DMD: variants seen among roughly 807,000 people sequenced by gnomAD.
The protein encoded by DMD is dystrophin.
Under a neutral mutation model 330.1 loss-of-function variants are expected in DMD, and 63 were observed. The observed-to-expected ratio is 0.19, with a 90% CI of 0.16 to 0.24. The LOEUF is 0.24. Among genes scored for constraint, DMD ranks in the 10% least tolerant of loss-of-function variants. DMD has a pLI of 1.00. For synonymous variants in DMD, 1,223 were observed against 959.8 expected, an observed-to-expected ratio of 1.27 and a Z score of -5.07; for missense variants, 3,344 against 2,684.1, an observed-to-expected ratio of 1.25 and a Z score of -5.43.
intron 2 of DMD, among the ~76,000 whole-genome samples, chrX:33,010,254 A>G (rs12844680): frequency 0.064 from 3,549 of 55,819 alleles, 126 homozygotes; most frequent in East Asian, 0.39. Context: ...GTGTGTATAT[A>G]TGTACAAATA....
At chrX:32,860,312 C>T (rs778693041) in intron 2 of DMD, among the ~76,000 whole-genome samples, 1 of 111,958 alleles carries the variant, frequency 8.9e-6, no homozygotes. Flanking sequence ...GGGATCAATA[C>T]GTTTCAGTAG....
chrX:33,040,840 A>G (rs1174084348), intron 1 of DMD, among the ~76,000 whole-genome samples: 3 of 112,510 alleles, frequency 2.7e-5, no homozygotes, highest in African/African-American at 9.7e-5. Context: ...TACACCCATT[A>G]TCAAGAAGTA....
intron 7 of DMD, among the ~76,000 whole-genome samples, chrX:32,793,951 A>C (rs1187706296): frequency 9.0e-6 from 1 of 111,676 alleles, no homozygotes; most frequent in Non-Finnish European, 1.9e-5. Flanking sequence ...AAAATACAGG[A>C]CAACATCCCT....
At chrX:32,627,824 G>T (rs1250203223) in intron 11 of DMD, among the ~76,000 whole-genome samples, 1 of 111,232 alleles carries the variant, frequency 9.0e-6, no homozygotes, top group African/African-American at 3.3e-5. Flanking sequence ...GAAAATTACA[G>T]TTGTTACTCT....
intron 30 of DMD, among the ~76,000 whole-genome samples, chrX:32,407,915 T>G (rs376501608): frequency 1.1e-4 from 10 of 92,262 alleles, no homozygotes; most frequent in African/African-American, 3.4e-4. Flanking sequence ...TAGGTGGGAA[T>G]TGAACAATGA....
intron 11 of DMD, among the ~76,000 whole-genome samples, chrX:32,616,144 A>C (rs1047655940): frequency 9.0e-6 from 1 of 111,142 alleles, no homozygotes; most frequent in African/African-American, 3.3e-5. Context: ...AGCACATTTT[A>C]TAAAGCATAT....
rs147364913 is a variant in DMD, at chrX:31,678,366, T to C, written c.7872+1009A>G. 4.9e-3 allele frequency among the ~76,000 whole-genome samples: 553 copies of C among 111,988 alleles called. 5 individuals carry two copies. Among genetic ancestry groups the C allele is most frequent in the African/African-American group, 0.017 (517 of 30,859 alleles). On this transcript the variant is annotated intron_variant, in intron 53 of 78. Transcript: ENST00000357033. The stretch of plus-strand genomic sequence containing the variant: ...GCCCAATCTGATCAACCTCCTACCA[T>C]GTTACTTCCCTGCTCAAAATACCCT...
chrX:32,585,358 A>G (rs888473709), intron 13 of DMD, among the ~76,000 whole-genome samples: 2 of 112,207 alleles, frequency 1.8e-5, no homozygotes, highest in African/African-American at 6.5e-5. Context: ...GTATCAATAA[A>G]CTTAAAAATT....
At chrX:33,184,725 T>C (rs1261378242) in intron 1 of DMD, among the ~76,000 whole-genome samples, 103 of 89,044 alleles carry the variant, frequency 1.2e-3, no homozygotes, top group African/African-American at 3.9e-3. Flanking sequence ...TCTTTCTTTT[T>C]TTTTTTTTTT....
chrX:32,967,212 C>G (rs961550102), intron 2 of DMD, among the ~76,000 whole-genome samples: 9 of 111,443 alleles, frequency 8.1e-5, no homozygotes, highest in African/African-American at 9.8e-5. Flanking sequence ...AAATTGGATT[C>G]CCCAAGATCA....
chrX:31,939,211 A>T (rs1279473119), intron 45 of DMD, among the ~76,000 whole-genome samples: 1 of 111,654 alleles, frequency 9.0e-6, no homozygotes, highest in African/African-American at 3.3e-5. Flanking sequence ...TCATTATCAG[A>T]ATCAGAACCC....
chrX:31,311,202 G>C (rs2055491832), intron 62 of DMD, among the ~76,000 whole-genome samples: 1 of 109,784 alleles, frequency 9.1e-6, no homozygotes, highest in Non-Finnish European at 1.9e-5. Flanking sequence ...AGTAAAGCTA[G>C]AACCATAGGC....
chrX:31,599,573 A>G (rs1239756669), intron 55 of DMD, among the ~76,000 whole-genome samples: 1 of 112,510 alleles, frequency 8.9e-6, no homozygotes, highest in African/African-American at 3.2e-5. Flanking sequence ...AATTGTATAT[A>G]GTTTTAATAA....
At chrX:32,326,226 T>C (rs1011720796) in intron 41 of DMD, among the ~76,000 whole-genome samples, 1 of 112,014 alleles carries the variant, frequency 8.9e-6, no homozygotes, top group Non-Finnish European at 1.9e-5. Flanking sequence ...CCCTGCATTC[T>C]ATTCTTCTTT....
intron 1 of DMD, among the ~76,000 whole-genome samples, chrX:33,131,184 G>GGCTGCTGTGGCTGCT (rs1332566542): frequency 9.1e-6 from 1 of 110,153 alleles, no homozygotes; most frequent in African/African-American, 3.3e-5. Context: ...AGTTCCCTGG[G>GGCTGCTGTGGCTGCT]GCTGCTGCGG....
intron 41 of DMD, among the ~76,000 whole-genome samples, chrX:32,316,246 T>C (rs1162149566): frequency 9.0e-6 from 1 of 111,428 alleles, no homozygotes; most frequent in Non-Finnish European, 1.9e-5. Context: ...AAAGGTATAG[T>C]TTATTACTTT....
chrX:32,377,515 G>T (rs1053240102), intron 34 of DMD, among the ~76,000 whole-genome samples: 1 of 111,648 alleles, frequency 9.0e-6, no homozygotes, highest in Non-Finnish European at 1.9e-5. Context: ...AAAATTTTTA[G>T]CTATTGAAGC....
At chrX:33,156,783 A>T (rs1305095754) in intron 1 of DMD, among the ~76,000 whole-genome samples, 1 of 111,993 alleles carries the variant, frequency 8.9e-6, no homozygotes, top group Non-Finnish European at 1.9e-5. Flanking sequence ...CAAATATACA[A>T]TAACAAATCT....
At chrX:31,424,814 G>C (rs1271684871) in intron 60 of DMD, among the ~76,000 whole-genome samples, 1 of 111,887 alleles carries the variant, frequency 8.9e-6, no homozygotes. Context: ...CATCCTCCTT[G>C]AATTCAGGGG....
Sources: allele counts gnomAD v4.1 joint callset (sites outside exome capture counted in the v4.1 genomes callset), GRCh38; gene constraint gnomAD v4.1.1; transcripts MANE v1.5; gene names NCBI Gene and HGNC (gene_info 2026-07-23, HGNC 2026-07-21).